Variants in ARIH1 observed in about 807,000 individuals in gnomAD.
ARIH1 encodes E3 ubiquitin-protein ligase ARIH1.
A neutral mutation model predicts 85.0 loss-of-function variants in ARIH1; 8 were observed. The observed-to-expected ratio is 0.09, with a 90% CI of 0.06 to 0.17. The LOEUF (loss-of-function observed/expected upper bound fraction) is 0.17, where lower values mean the gene tolerates loss of function less well. ARIH1 is among the 10% of genes least tolerant of loss of function. The pLI, the probability that ARIH1 is intolerant of heterozygous loss-of-function variation, is 1.00. For missense variants in ARIH1, 311 were observed against 718.1 expected (o/e 0.43, Z 6.48); for synonymous variants, 238 against 253.6 (o/e 0.94, Z 0.59).
At chr15:72,559,524 GC>G (rs1284054584) in intron 5 of ARIH1, among the ~76,000 whole-genome samples, 1 of 152,080 alleles carries the variant, frequency 6.6e-6, no homozygotes. Flanking sequence ...ACCCACCTCT[GC>G]CTCCCAAAGT....
At position 72,555,171 on chromosome 15, in the gene ARIH1, C is replaced by T. The variant is rs893861229; in HGVS notation, c.589-100C>T. The T allele has an allele frequency of 5.0e-6, 4 of 803,576 alleles. No individual in the cohort carries two copies. The African/African-American group carries it at 5.2e-5, about 10-fold the overall frequency. The allele number at this position is 803,576 out of a possible 1,614,324, so 49.8% of individuals were successfully genotyped here. On this transcript the variant is annotated intron_variant, in intron 3 of 13. Coordinates refer to ENST00000379887, the MANE Select transcript of ARIH1 (RefSeq NM_005744.5). ...CTATTGTCAAATTGGACATTTTAGC[C>T]ACGTAAGAAATGTGACCTTACAGAG...
chr15:72,486,103 A>C (rs2063836456), intron 1 of ARIH1, among the ~76,000 whole-genome samples: 1 of 152,116 alleles, frequency 6.6e-6, no homozygotes, highest in South Asian at 2.1e-4. Flanking sequence ...CTAAATTTTT[A>C]ATTTTTTTTT....
chr15:72,480,821 T>C (rs1045909276), intron 1 of ARIH1, among the ~76,000 whole-genome samples: 8 of 152,218 alleles, frequency 5.3e-5, no homozygotes, highest in Non-Finnish European at 5.9e-5. Context: ...CGCCTCGGCC[T>C]CCCAAAGTTC....
At chr15:72,542,266 G>A (rs1409989882) in intron 2 of ARIH1, among the ~76,000 whole-genome samples, 3 of 152,208 alleles carry the variant, frequency 2.0e-5, no homozygotes, top group Non-Finnish European at 1.5e-5. Context: ...CGATAAATGT[G>A]CCTACATAAA....
chr15:72,523,633 C>T (rs2064010695), intron 2 of ARIH1, among the ~76,000 whole-genome samples: 1 of 150,724 alleles, frequency 6.6e-6, no homozygotes, highest in Admixed American at 6.6e-5. Flanking sequence ...CAAATAAGAA[C>T]CCTTATGTAA....
chr15:72,563,581 G>GA, intron 7 of ARIH1, 81 bp downstream of exon 7: 1 of 1,190,008 alleles, frequency 8.4e-7, no homozygotes, highest in Non-Finnish European at 1.2e-6. Flanking sequence ...TAAAATAGCA[G>GA]AAAAAAAGTG....
In ARIH1 at chr15:72,592,522, CATAAT is replaced by C. The variant is rs1167165172; in HGVS notation, c.*9233_*9237del. 1 of 152,178 alleles carries C rather than the reference CATAAT, an allele frequency of 6.6e-6. No homozygotes were observed. Among genetic ancestry groups the C allele is most frequent in the Admixed American group, 6.5e-5 (1 of 15,274 alleles). 9.4% of individuals were successfully genotyped at this position (152,178 alleles called of 1,614,324 possible). A position where few individuals can be genotyped will look rare whatever the true frequency, so the allele number is the denominator to read the frequency against. ...CTGTGTAATAACTACCAAAAGAAGA[CATAAT>C]ATGTTACAATTAACCCAGAAAATTC... On this transcript the variant is annotated 3_prime_UTR_variant, in exon 14 of 14. Coordinates refer to ENST00000379887, the MANE Select transcript of ARIH1 (RefSeq NM_005744.5).
chr15:72,492,718 G>T (rs1024746702), intron 1 of ARIH1, among the ~76,000 whole-genome samples: 2 of 152,002 alleles, frequency 1.3e-5, no homozygotes, highest in Non-Finnish European at 2.9e-5. Flanking sequence ...TAATTGTATT[G>T]CATTAATATA....
Position 72,600,278 on chromosome 15 carries a change from T to C in ARIH1, c.*16986T>C, listed in dbSNP as rs138668597. 9 of 152,330 alleles carry C rather than the reference T, an allele frequency of 5.9e-5. No individual in the cohort carries two copies. In the East Asian group the frequency reaches 1.3e-3, roughly 23 times the overall value. 9.4% of individuals were successfully genotyped at this position (152,330 alleles called of 1,614,324 possible). A position where few individuals can be genotyped will look rare whatever the true frequency, so the allele number is the denominator to read the frequency against. ...CACAGCTATATGATTTGAATAATCTTGATAAGCAGGGTCACATTTGAGGAG... is the reference window on the plus strand; with the variant it reads ...CACAGCTATATGATTTGAATAATCTCGATAAGCAGGGTCACATTTGAGGAG... On this transcript the variant is annotated 3_prime_UTR_variant, in exon 14 of 14. Transcript: ENST00000379887.
chr15:72,543,409 A>G (rs1206145083), intron 2 of ARIH1, among the ~76,000 whole-genome samples: 1 of 152,154 alleles, frequency 6.6e-6, no homozygotes, highest in East Asian at 1.9e-4. Context: ...GATTATCTGA[A>G]TCATCAGAGA....
At chr15:72,536,436 A>G (rs1392153903) in intron 2 of ARIH1, among the ~76,000 whole-genome samples, 1 of 152,020 alleles carries the variant, frequency 6.6e-6, no homozygotes, top group African/African-American at 2.4e-5. Context: ...GCATAGTTTT[A>G]CATCTACCTT....
At chr15:72,536,947 G>A (rs141754111) in intron 2 of ARIH1, among the ~76,000 whole-genome samples, 1,991 of 152,018 alleles carry the variant, frequency 0.013, 20 homozygotes, top group Admixed American at 0.018. Context: ...GCCTCAAAAA[G>A]TATTCTACTT....
Position 72,550,682 on chromosome 15 carries a change from A to ATT in ARIH1, c.589-4586_589-4585dup, listed in dbSNP as rs753193104. On this transcript the variant is annotated intron_variant, in intron 3 of 13. Coordinates refer to ENST00000379887, the MANE Select transcript of ARIH1 (RefSeq NM_005744.5). ...ACTGATACACTTCATATATATATAT[A>ATT]TTTTAATGAGATGAAGTCTCACTCT... Among the ~76,000 whole-genome samples, 15 of 151,374 alleles carry ATT rather than the reference A, an allele frequency of 9.9e-5. No individual in the cohort carries two copies. The South Asian group carries it at 2.3e-3, about 23-fold the overall frequency.
intron 1 of ARIH1, among the ~76,000 whole-genome samples, chr15:72,475,929 C>CA (rs2063793278): frequency 6.6e-6 from 1 of 151,818 alleles, no homozygotes; most frequent in African/African-American, 2.4e-5. Flanking sequence ...TTTAGAAACT[C>CA]AAAAGTTTTC....
chr15:72,595,280 A>T lies in ARIH1; in HGVS notation c.*11988A>T, dbSNP rs1277621608. The stretch of plus-strand genomic sequence containing the variant: ...CTGCAGCCTTGAGCTCCTGGACTCA[A>T]GCGACCCTCCTGCCTCAGCCTCCTG... On this transcript the variant is annotated 3_prime_UTR_variant, in exon 14 of 14. Coordinates refer to ENST00000379887, the MANE Select transcript of ARIH1 (RefSeq NM_005744.5). 1 of 152,210 alleles carries T rather than the reference A, an allele frequency of 6.6e-6. No individual in the cohort carries two copies. Among genetic ancestry groups the T allele is most frequent in the East Asian group, 1.9e-4 (1 of 5,186 alleles). The allele number at this position is 152,210 out of a possible 1,614,324, so 9.4% of individuals were successfully genotyped here. A position where few individuals can be genotyped will look rare whatever the true frequency, so the allele number is the denominator to read the frequency against.
chr15:72,497,407 TTG>T (rs910863430), intron 1 of ARIH1, among the ~76,000 whole-genome samples: 22 of 152,196 alleles, frequency 1.4e-4, no homozygotes, highest in African/African-American at 5.3e-4. Context: ...ACTTAAGTAT[TTG>T]TATCAGTTTA....
At chr15:72,550,193 AAG>A (rs1381688374) in intron 3 of ARIH1, among the ~76,000 whole-genome samples, 1 of 152,230 alleles carries the variant, frequency 6.6e-6, no homozygotes, top group Non-Finnish European at 1.5e-5. Flanking sequence ...GTTATTTAAA[AAG>A]AATAAAAAGC....
At chr15:72,538,113 C>A (rs931017078) in intron 2 of ARIH1, among the ~76,000 whole-genome samples, 1 of 152,130 alleles carries the variant, frequency 6.6e-6, no homozygotes, top group African/African-American at 2.4e-5. Flanking sequence ...CCTGTAATCC[C>A]AGCACTTTGG....
intron 7 of ARIH1, among the ~76,000 whole-genome samples, chr15:72,564,613 TC>T (rs2140433378): frequency 6.6e-6 from 1 of 152,328 alleles, no homozygotes. Context: ...AACAGCACCC[TC>T]ACTTCTTGGT....
Sources: allele counts gnomAD v4.1 joint callset (sites outside exome capture counted in the v4.1 genomes callset), GRCh38; gene constraint gnomAD v4.1.1; transcripts MANE v1.5; gene names NCBI Gene and HGNC (gene_info 2026-07-23, HGNC 2026-07-21).